SLC25A36: variants seen among roughly 807,000 people sequenced by gnomAD.
The protein encoded by SLC25A36 is solute carrier family 25 member 36, also known as epididymis secretory sperm binding protein.
In SLC25A36, 24 loss-of-function variants were observed where a neutral mutation model predicts 35.3. The ratio of observed to expected loss-of-function variants is 0.68; its 90% CI spans 0.49 to 0.96. SLC25A36 has a LOEUF of 0.96. Among genes scored for constraint, SLC25A36 ranks in the 40% least tolerant of loss-of-function variants. The pLI, the probability that SLC25A36 is intolerant of heterozygous loss-of-function variation, is 0.00. For synonymous variants in SLC25A36, 141 were observed against 132.2 expected, an observed-to-expected ratio of 1.07 and a Z score of -0.46; for missense variants, 294 against 381.1, an observed-to-expected ratio of 0.77 and a Z score of 1.90.
At chr3:140,946,599 C>G (rs930388960) in intron 1 of SLC25A36, among the ~76,000 whole-genome samples, 1 of 152,130 alleles carries the variant, frequency 6.6e-6, no homozygotes. Flanking sequence ...TCTAGTTAGA[C>G]TTCGAAGGTA....
At chr3:140,969,621 A>G (rs1934850337) in intron 4 of SLC25A36, among the ~76,000 whole-genome samples, 1 of 151,878 alleles carries the variant, frequency 6.6e-6, no homozygotes, top group Non-Finnish European at 1.5e-5. Flanking sequence ...AATTTGAGTT[A>G]CTCAGTTACT....
intron 1 of SLC25A36, among the ~76,000 whole-genome samples, chr3:140,946,017 T>G (rs892117652): frequency 2.0e-5 from 3 of 152,186 alleles, no homozygotes; most frequent in Non-Finnish European, 4.4e-5. Context: ...TATGAAAAGT[T>G]TACTGGTATA....
At chr3:140,962,419 G>C (rs776410917) in intron 3 of SLC25A36, among the ~76,000 whole-genome samples, 1 of 152,132 alleles carries the variant, frequency 6.6e-6, no homozygotes, top group Non-Finnish European at 1.5e-5. Context: ...ATCGTAGTCA[G>C]TAAGTTAACA....
chr3:140,970,018 T>C (rs1336768744), intron 4 of SLC25A36, among the ~76,000 whole-genome samples: 2 of 151,724 alleles, frequency 1.3e-5, no homozygotes, highest in African/African-American at 4.8e-5. Flanking sequence ...AAGCAATCTT[T>C]ATAAGTTTCT....
intron 1 of SLC25A36, among the ~76,000 whole-genome samples, chr3:140,948,897 C>T (rs1015610773): frequency 5.9e-5 from 9 of 152,154 alleles, no homozygotes; most frequent in African/African-American, 2.2e-4. Flanking sequence ...GGTATGATGG[C>T]TGAAATTCAT....
At chr3:140,958,960 TTGTGTGTGTGTGTGTGTGTGTGTGTGTG>T (rs377492880) in intron 2 of SLC25A36, among the ~76,000 whole-genome samples, 19 of 112,634 alleles carry the variant, frequency 1.7e-4, no homozygotes, top group African/African-American at 3.8e-4. Flanking sequence ...AAACAATGTT[TTGTGTGTGTGTGTGTGTGTGTGTGTGTG>T]TGTGTGTGTG....
Position 140,970,866 on chromosome 3 carries a change from CTTAAAG to C in SLC25A36, c.386-56_386-51del, listed in dbSNP as rs912466378. 543 of 770,682 alleles carry C rather than the reference CTTAAAG, an allele frequency of 7.0e-4. 5 individuals are homozygous for C. Among genetic ancestry groups the C allele is most frequent in the Middle Eastern group, 1.6e-3 (7 of 4,308 alleles). The allele number at this position is 770,682 out of a possible 1,614,324, so 47.7% of individuals were successfully genotyped here. The stretch of plus-strand genomic sequence containing the variant: ...TGTAGATTTATCTAATTTTTAAAAC[CTTAAAG>C]TTAATAGTGAATTCTTCATTTTTAC... On this transcript the variant is annotated intron_variant, in intron 4 of 6. Coordinates refer to ENST00000324194, the MANE Select transcript of SLC25A36 (RefSeq NM_001104647.3).
In SLC25A36 at chr3:140,956,582, C is replaced by A; in HGVS notation, c.97C>A (p.Arg33=). Reference sequence around the variant, plus strand: ...ATGTCCACTGGAAGTTGTAAAAACACGACTGCAGTCATCTTCTGTGACGCT... The same window carrying A: ...ATGTCCACTGGAAGTTGTAAAAACAAGACTGCAGTCATCTTCTGTGACGCT... ...LTCPLEVVKT[R]LQSSSVTLYI... is the part of the protein sequence containing the mutation. The change falls in exon 2 of 7, where the codon CGA becomes AGA. Residue 33 remains arginine, a synonymous_variant. Coordinates refer to ENST00000324194, the MANE Select transcript of SLC25A36 (RefSeq NM_001104647.3). The A allele has an allele frequency of 6.2e-7, 1 of 1,612,336 alleles. No individual in the cohort carries two copies.
intron 4 of SLC25A36, among the ~76,000 whole-genome samples, chr3:140,967,452 A>AT (rs923146213): frequency 1.3e-5 from 2 of 152,100 alleles, no homozygotes; most frequent in East Asian, 3.9e-4. Context: ...TGCAAAAAAA[A>AT]CAAAAATTAA....
chr3:140,957,410 A>G (rs1559812740), intron 2 of SLC25A36, among the ~76,000 whole-genome samples: 2 of 152,192 alleles, frequency 1.3e-5, no homozygotes, highest in African/African-American at 4.8e-5. Context: ...ACTTGTTTAC[A>G]TAAGTACATG....
At chr3:140,948,973 A>G (rs1179326702) in intron 1 of SLC25A36, among the ~76,000 whole-genome samples, 1 of 152,148 alleles carries the variant, frequency 6.6e-6, no homozygotes, top group Non-Finnish European at 1.5e-5. Flanking sequence ...CCCCACCCTC[A>G]ACTTTTGATT....
intron 4 of SLC25A36, among the ~76,000 whole-genome samples, chr3:140,968,885 A>G (rs1348065485): frequency 6.6e-6 from 1 of 151,714 alleles, no homozygotes; most frequent in African/African-American, 2.4e-5. Context: ...AAAGATTCCC[A>G]GTTTTAAGCT....
At position 140,976,698 on chromosome 3, in the gene SLC25A36, A is replaced by T. The variant is rs1233810828; in HGVS notation, c.*245A>T. 6.2e-6 allele frequency: 2 copies of T among 320,050 alleles called. No homozygotes were observed. Among genetic ancestry groups the T allele is most frequent in the Non-Finnish European group, 1.1e-5 (2 of 175,422 alleles). 19.8% of individuals were successfully genotyped at this position (320,050 alleles called of 1,614,324 possible). ...CCTTTAGAAGCACTCCTCTCTCAAA[A>T]TTGCCATTTTCTCTACCATGTCCCC... On this transcript the variant is annotated 3_prime_UTR_variant, in exon 7 of 7. Coordinates refer to ENST00000324194, the MANE Select transcript of SLC25A36 (RefSeq NM_001104647.3).
intron 4 of SLC25A36, chr3:140,970,450 A>T (rs1414618103): frequency 6.5e-6 from 1 of 152,728 alleles, no homozygotes; most frequent in Non-Finnish European, 1.5e-5. Context: ...ATAATCAACT[A>T]AAGATCAAAC....
chr3:140,947,606 G>A (rs1032246402), intron 1 of SLC25A36, among the ~76,000 whole-genome samples: 1 of 152,086 alleles, frequency 6.6e-6, no homozygotes, highest in African/African-American at 2.4e-5. Flanking sequence ...GATACGGCTT[G>A]CTTCCATGTT....
intron 6 of SLC25A36, among the ~76,000 whole-genome samples, chr3:140,975,356 C>T (rs1487247896): frequency 6.6e-6 from 1 of 151,948 alleles, no homozygotes; most frequent in Admixed American, 6.6e-5. Context: ...ATTCTCCCAC[C>T]TCGGCCTCCC....
intron 4 of SLC25A36, among the ~76,000 whole-genome samples, chr3:140,969,201 AT>A (rs1292394155): frequency 6.6e-6 from 1 of 151,858 alleles, no homozygotes; most frequent in Non-Finnish European, 1.5e-5. Context: ...ATAATACTCT[AT>A]AACTTTATTC....
intron 1 of SLC25A36, chr3:140,942,368 C>T: frequency 3.0e-6 from 1 of 337,262 alleles, no homozygotes; most frequent in Non-Finnish European, 5.4e-6. Context: ...GAAACCCGGG[C>T]CGGGAGTGAG....
intron 4 of SLC25A36, chr3:140,964,933 T>C (rs1275210647): frequency 3.3e-5 from 5 of 151,914 alleles, no homozygotes; most frequent in Non-Finnish European, 7.4e-5. Context: ...TTTTCTCAAA[T>C]GTGTACAAAT....
Sources: gnomAD v4.1 joint callset for allele counts (sites outside exome capture counted in the v4.1 genomes callset) on GRCh38, gnomAD v4.1.1 for gene constraint, MANE v1.5 for transcripts, NCBI Gene and HGNC (gene_info 2026-07-23, HGNC 2026-07-21) for gene names.